Variants in EPHA8 observed in about 807,000 individuals in gnomAD.
The protein encoded by EPHA8 is EPH receptor A8, also known as ephrin type-A receptor 8.
EPHA8 carries 58 observed loss-of-function variants against 103.6 expected under a neutral mutation model. That is an observed-to-expected ratio of 0.56 (90% CI 0.45 to 0.70). EPHA8 has a LOEUF of 0.70. Ranked by LOEUF, EPHA8 falls within the 30% of genes least tolerant of loss-of-function variation. The probability of loss-of-function intolerance (pLI) is 0.00; values close to 1 mark genes in which losing one functional copy is unlikely to be tolerated. For synonymous variants in EPHA8, 559 were observed against 572.5 expected (o/e 0.98, Z 0.34); for missense variants, 1,304 against 1,395.2 (o/e 0.93, Z 1.04).
Position 22,569,293 on chromosome 1 carries a change from T to C in EPHA8, c.99T>C (p.Asn33=). ...TCVSAARGEV[N]LLDTSTIHGD... Reference sequence around the variant, plus strand: ...CTCTTGTCTCCTGTTTTACAGTGAATTTGCTGGACACGTCGACCATCCACG... The same window carrying C: ...CTCTTGTCTCCTGTTTTACAGTGAACTTGCTGGACACGTCGACCATCCACG... The change falls in exon 2 of 17, where the codon AAT becomes AAC. Residue 33 remains asparagine, a synonymous_variant. Transcript: ENST00000166244. The surrounding 1 kb of genome is among the most constrained non-coding windows in gnomAD (Gnocchi z 4.5). 6.2e-7 allele frequency: 1 copy of C among 1,613,078 alleles called. No homozygotes were observed. The highest frequency in any genetic ancestry group is 8.5e-7 in the Non-Finnish European group (1 of 1,179,590).
At chr1:22,594,303 A>G (rs1469433156) in intron 7 of EPHA8, among the ~76,000 whole-genome samples, 2 of 152,258 alleles carry the variant, frequency 1.3e-5, no homozygotes, top group Non-Finnish European at 2.9e-5. Flanking sequence ...AACCGAGGTT[A>G]GGAGAAGGAC....
rs1640725976 is a variant in EPHA8, at chr1:22,576,962, G to A, written c.823+82G>A. On this transcript the variant is annotated intron_variant, in intron 3 of 16. Coordinates refer to ENST00000166244, the MANE Select transcript of EPHA8 (RefSeq NM_020526.5). This position sits in a 1 kb window ranked among gnomAD's most constrained non-coding sequence, Gnocchi z 4.8. The stretch of plus-strand genomic sequence containing the variant: ...GGGCTGCCAGGGTGTAAGGGGGGAC[G>A]TCAGAGCCCACAGGCACCTGAGTGA... The A allele has an allele frequency of 5.5e-6, 8 of 1,450,018 alleles. No individual in the cohort carries two copies. The highest frequency in any genetic ancestry group is 1.4e-5 in the South Asian group (1 of 72,156). 89.8% of individuals were successfully genotyped at this position (1,450,018 alleles called of 1,614,324 possible).
intron 9 of EPHA8, 119 bp downstream of exon 9, chr1:22,596,292 A>G: frequency 1.0e-6 from 1 of 991,916 alleles, no homozygotes; most frequent in East Asian, 2.6e-5. Context: ...CCAGAGCCCA[A>G]GAGGCAGATT....
At chr1:22,574,514 G>C (rs1640630899) in intron 2 of EPHA8, among the ~76,000 whole-genome samples, 1 of 152,138 alleles carries the variant, frequency 6.6e-6, no homozygotes, top group South Asian at 2.1e-4. Flanking sequence ...TCTACTTTCT[G>C]TCTCTCTAAA....
At chr1:22,578,219 AGTGTGCATGTGTGTAT>A (rs1460265870) in intron 3 of EPHA8, among the ~76,000 whole-genome samples, 5 of 50,784 alleles carry the variant, frequency 9.8e-5, no homozygotes, top group Admixed American at 2.4e-4. Flanking sequence ...TGTGCGTGTG[AGTGTGCATGTGTGTAT>A]GTGTGCATGT....
chr1:22,577,134 G>C (rs1640731443), intron 3 of EPHA8, among the ~76,000 whole-genome samples: 1 of 152,188 alleles, frequency 6.6e-6, no homozygotes. Context: ...GCGAGGCGGT[G>C]CCTTCTGTGG....
intron 5 of EPHA8, among the ~76,000 whole-genome samples, chr1:22,590,955 C>A (rs886602889): frequency 1.3e-5 from 2 of 151,946 alleles, no homozygotes; most frequent in Admixed American, 6.6e-5. Context: ...ATCCATCCCC[C>A]CCTAAAGCCC....
intron 13 of EPHA8, among the ~76,000 whole-genome samples, chr1:22,600,214 T>A (rs558427673): frequency 0.027 from 1,678 of 62,492 alleles, 40 homozygotes; most frequent in African/African-American, 0.099. Flanking sequence ...GGGAGGAAGG[T>A]GGGAGGGAAA....
intron 1 of EPHA8, among the ~76,000 whole-genome samples, chr1:22,568,739 G>A (rs1640441057): frequency 6.6e-6 from 1 of 152,256 alleles, no homozygotes; most frequent in Non-Finnish European, 1.5e-5. Flanking sequence ...GGAACAGGGT[G>A]ATTATGAAGC....
At chr1:22,595,161 T>A (rs1641481206) in intron 7 of EPHA8, 69 bp from the exon 8 acceptor site, 1 of 1,322,962 alleles carries the variant, frequency 7.6e-7, no homozygotes, top group South Asian at 1.4e-5. Context: ...GGCTCAGAGG[T>A]CTGCCAGACC....
At chr1:22,593,836 G>GT (rs1380625037) in intron 7 of EPHA8, 150 bp downstream of exon 7, 1 of 1,020,462 alleles carries the variant, frequency 9.8e-7, no homozygotes, top group African/African-American at 1.6e-5. Context: ...GGTTGTCGGA[G>GT]TTTTTTATTT....
Position 22,602,135 on chromosome 1 carries a change from G to T in EPHA8, c.*394G>T. Reference sequence around the variant, plus strand: ...TGTGATCAAGTGTGTCCACCCCTTCGGGTCTCAGCATGGACGTGTGCATGT... The same window carrying T: ...TGTGATCAAGTGTGTCCACCCCTTCTGGTCTCAGCATGGACGTGTGCATGT... On this transcript the variant is annotated 3_prime_UTR_variant, in exon 17 of 17. Coordinates refer to ENST00000166244, the MANE Select transcript of EPHA8 (RefSeq NM_020526.5). 3.4e-6 allele frequency: 1 copy of T among 295,714 alleles called. No individual in the cohort carries two copies. The highest frequency in any genetic ancestry group is 5.2e-5 in the Admixed American group (1 of 19,120). The allele number at this position is 295,714 out of a possible 1,614,324, so 18.3% of individuals were successfully genotyped here.
At position 22,589,688 on chromosome 1, in the gene EPHA8, G is replaced by T. The variant is rs1641324466; in HGVS notation, c.1315+482G>T. Reference sequence around the variant, plus strand: ...CCTTGGGATAGACTTGGCTGCACTGGCTTGGACCACAGTAGTTTATCTATC... The same window carrying T: ...CCTTGGGATAGACTTGGCTGCACTGTCTTGGACCACAGTAGTTTATCTATC... On this transcript the variant is annotated intron_variant, in intron 5 of 16. Coordinates refer to ENST00000166244, the MANE Select transcript of EPHA8 (RefSeq NM_020526.5). The surrounding 1 kb of genome is among the most constrained non-coding windows in gnomAD (Gnocchi z 4.3). 2.7e-6 allele frequency: 3 copies of T among 1,104,144 alleles called. No homozygotes were observed. Among genetic ancestry groups the T allele is most frequent in the East Asian group, 1.1e-4 (2 of 17,820 alleles). The allele number at this position is 1,104,144 out of a possible 1,614,324, so 68.4% of individuals were successfully genotyped here.
rs1456223293 is a variant in EPHA8 at position 22,600,760 on chromosome 1, G to A, written c.2488G>A (p.Glu830Lys). ...DVWSFGVVMW[E>K]VLAYGERPYW... The stretch of plus-strand genomic sequence containing the variant: ...GTGGAGCTTCGGCGTGGTCATGTGG[G>A]AGGTGCTGGCCTATGGGGAGCGGCC... Residue 830 changes from glutamate (E) to lysine (K), a missense_variant, in exon 14 of 17, where the codon GAG becomes AAG. Coordinates refer to ENST00000166244, the MANE Select transcript of EPHA8 (RefSeq NM_020526.5). 1 of 1,612,798 alleles carries A rather than the reference G, an allele frequency of 6.2e-7. No homozygotes were observed.
chr1:22,585,315 T>C (rs1222109752), intron 3 of EPHA8, among the ~76,000 whole-genome samples: 3 of 152,130 alleles, frequency 2.0e-5, no homozygotes, highest in African/African-American at 7.2e-5. Context: ...GGTTTCATTG[T>C]CTAAGCCCTG....
intron 2 of EPHA8, among the ~76,000 whole-genome samples, chr1:22,575,804 A>G (rs1021963726): frequency 7.9e-5 from 12 of 152,080 alleles, no homozygotes; most frequent in African/African-American, 2.9e-4. Flanking sequence ...CATATATTAG[A>G]AAGATTCCTC....
rs770886999 is a variant in EPHA8 at position 22,597,264 on chromosome 1, A to G, written c.1766-48A>G. On this transcript the variant is annotated intron_variant, in intron 9 of 16. Transcript: ENST00000166244. This position sits in a 1 kb window ranked among gnomAD's most constrained non-coding sequence, Gnocchi z 4.6. ...CCCAGGCCCAGGGAATGTCAGGAAAAAGCAATCTCTCCTGGGCCCCACTGA... is the reference window on the plus strand; with the variant it reads ...CCCAGGCCCAGGGAATGTCAGGAAAGAGCAATCTCTCCTGGGCCCCACTGA... 6.7e-7 allele frequency: 1 copy of G among 1,497,800 alleles called. No homozygotes were observed. Among genetic ancestry groups the G allele is most frequent in the Non-Finnish European group, 9.1e-7 (1 of 1,103,738 alleles). The allele number at this position is 1,497,800 out of a possible 1,614,324, so 92.8% of individuals were successfully genotyped here. A position where few individuals can be genotyped will look rare whatever the true frequency, so the allele number is the denominator to read the frequency against.
chr1:22,568,861 C>T (rs1285402591), intron 1 of EPHA8, among the ~76,000 whole-genome samples: 5 of 152,154 alleles, frequency 3.3e-5, no homozygotes, highest in Non-Finnish European at 4.4e-5. Flanking sequence ...CCTGTGGGAC[C>T]GGAATTGTTA....
intron 3 of EPHA8, among the ~76,000 whole-genome samples, chr1:22,579,386 C>T (rs1048015334): frequency 2.0e-5 from 3 of 148,394 alleles, no homozygotes; most frequent in African/African-American, 7.5e-5. Context: ...TGTATGTGTG[C>T]ACTGTGTGCA....
Sources: gnomAD v4.1 joint callset for allele counts (sites outside exome capture counted in the v4.1 genomes callset) on GRCh38, gnomAD v4.1.1 for gene constraint, Gnocchi (gnomAD v3.1) non-coding constraint, MANE v1.5 for transcripts, NCBI Gene and HGNC (gene_info 2026-07-23, HGNC 2026-07-21) for gene names.